Variants in SPATA4 observed in about 807,000 individuals in gnomAD.
SPATA4 encodes the protein spermatogenesis associated 4, also known as spermatogenesis-associated protein 4.
A neutral mutation model predicts 31.8 loss-of-function variants in SPATA4; 35 were observed. The observed-to-expected ratio is 1.10, with a 90% CI of 0.84 to 1.46. SPATA4 has a LOEUF of 1.46. SPATA4 is among the 40% of genes most tolerant of loss of function. The probability of loss-of-function intolerance (pLI) is 0.00; values close to 1 mark genes in which losing one functional copy is unlikely to be tolerated. For synonymous variants in SPATA4, 126 were observed against 132.4 expected (o/e 0.95, Z 0.33); for missense variants, 394 against 363.1 (o/e 1.09, Z -0.69).
chr4:176,195,431 A>T lies in SPATA4; in HGVS notation c.132T>A (p.His44Gln). The T allele has an allele frequency of 6.2e-7, 1 of 1,614,264 alleles. No individual in the cohort carries two copies. Among genetic ancestry groups the T allele is most frequent in the Non-Finnish European group, 8.5e-7 (1 of 1,180,050 alleles). Reference sequence around the variant, plus strand: ...GAGACAAGCGGGAGCTCTTCGGCGCATGCGGATAGACCAGACACTTCTTAG... The same window carrying T: ...GAGACAAGCGGGAGCTCTTCGGCGCTTGCGGATAGACCAGACACTTCTTAG... ...GRPKKCLVYP[H>Q]APKSSRLSRS... Residue 44 changes from histidine to glutamine, a missense_variant, in exon 1 of 6, where the codon CAT (histidine) becomes CAA (glutamine). His to Gln is a conservative substitution (Grantham distance 24). Coordinates refer to ENST00000280191, the MANE Select transcript of SPATA4 (RefSeq NM_144644.4).
chr4:176,194,185 G>C lies in SPATA4; in HGVS notation c.219-603C>G, dbSNP rs531601701. On this transcript the variant is annotated intron_variant, in intron 1 of 5. Coordinates refer to ENST00000280191, the MANE Select transcript of SPATA4 (RefSeq NM_144644.4). ...GTGTGCAAAGTGCAAGAGCAGTGAT[G>C]CTGGTGATTCAGATATGCCAGAGAG... 3.9e-5 allele frequency: 6 copies of C among 152,328 alleles called. 1 individual carries two copies. In the East Asian group the frequency reaches 5.8e-4, roughly 15 times the overall value. The allele number at this position is 152,328 out of a possible 1,614,324, so 9.4% of individuals were successfully genotyped here.
chr4:176,188,251 A>C lies in SPATA4; in HGVS notation c.689-16T>G, dbSNP rs756069416. ...TCAAACCATTCTATAAAATATGAAC[A>C]CAAAAGTTATTTCTTAAAAAGCCAT... is the stretch of plus-strand genomic sequence containing the variant. On this transcript the variant is annotated splice_polypyrimidine_tract_variant and intron_variant, in intron 4 of 5. Coordinates refer to ENST00000280191, the MANE Select transcript of SPATA4 (RefSeq NM_144644.4). 1.5e-5 allele frequency: 23 copies of C among 1,524,096 alleles called. No homozygotes were observed. Among genetic ancestry groups the C allele is most frequent in the South Asian group, 1.2e-5 (1 of 81,876 alleles). The allele number at this position is 1,524,096 out of a possible 1,614,324, so 94.4% of individuals were successfully genotyped here. A position where few individuals can be genotyped will look rare whatever the true frequency, so the allele number is the denominator to read the frequency against.
At chr4:176,186,827 G>GTT (rs63253561) in intron 5 of SPATA4, among the ~76,000 whole-genome samples, 25 of 151,030 alleles carry the variant, frequency 1.7e-4, no homozygotes, top group South Asian at 6.3e-4. Flanking sequence ...AGAAATCATG[G>GTT]TTTTTTTTTG....
At chr4:176,192,201 T>C (rs1752542130) in intron 4 of SPATA4, among the ~76,000 whole-genome samples, 1 of 152,208 alleles carries the variant, frequency 6.6e-6, no homozygotes, top group Admixed American at 6.5e-5. Flanking sequence ...CTCTACCATC[T>C]ACATCCAAAC....
Position 176,195,518 on chromosome 4 carries a change from C to G in SPATA4, c.45G>C (p.Ala15=). Residue 15 remains alanine (A), a synonymous_variant, in exon 1 of 6, where the codon GCG becomes GCC. Coordinates refer to ENST00000280191, the MANE Select transcript of SPATA4 (RefSeq NM_144644.4). ...GTGACGGTGACTTGTCTAGGGCTGCCGCAGTCTGTGTCAAATACCCTTTTT... is the reference window on the plus strand; with the variant it reads ...GTGACGGTGACTTGTCTAGGGCTGCGGCAGTCTGTGTCAAATACCCTTTTT... ...GQEKGYLTQT[A]AALDKSPSLS... 6.2e-7 allele frequency: 1 copy of G among 1,614,224 alleles called. No homozygotes were observed.
intron 5 of SPATA4, among the ~76,000 whole-genome samples, chr4:176,185,200 C>A (rs1242502264): frequency 6.6e-6 from 1 of 152,076 alleles, no homozygotes; most frequent in Non-Finnish European, 1.5e-5. Flanking sequence ...GCAGCTGAGG[C>A]AACAGTAGCA....
At chr4:176,184,969 G>A (rs1752418503) in intron 5 of SPATA4, 77 bp from the exon 6 acceptor site, 5 of 797,352 alleles carry the variant, frequency 6.3e-6, no homozygotes, top group Non-Finnish European at 1.0e-5. Flanking sequence ...CATGTCTAAT[G>A]TATCAAATAT....
intron 4 of SPATA4, among the ~76,000 whole-genome samples, chr4:176,191,285 G>A (rs941107475): frequency 1.2e-4 from 19 of 152,034 alleles, no homozygotes; most frequent in African/African-American, 2.2e-4. Flanking sequence ...TAGTAGAGAC[G>A]GGATTTCACC....
chr4:176,191,817 AATTTT>A (rs1206527461), intron 4 of SPATA4, among the ~76,000 whole-genome samples: 1 of 152,184 alleles, frequency 6.6e-6, no homozygotes, highest in Non-Finnish European at 1.5e-5. Flanking sequence ...TCCATCTCAC[AATTTT>A]AGGAGATGTT....
chr4:176,193,071 C>A lies in SPATA4; in HGVS notation c.354G>T (p.Leu118=). The A allele has an allele frequency of 6.4e-7, 1 of 1,567,670 alleles. No individual in the cohort carries two copies. Among genetic ancestry groups the A allele is most frequent in the Non-Finnish European group, 8.7e-7 (1 of 1,154,672 alleles). ...TAGGTAATTTAAATTTTTTTCTTGC[C>A]AGGAACTTTAATAGTAGAAAGAAAA... ...LDNWAQLEKF[L]ARKKFKLPKE... Residue 118 remains leucine, a synonymous_variant, in exon 3 of 6, where the codon CTG becomes CTT. Transcript: ENST00000280191.
chr4:176,195,318 G>T (rs775683040), intron 1 of SPATA4, 27 bp downstream of exon 1: 1 of 1,608,948 alleles, frequency 6.2e-7, no homozygotes, highest in Non-Finnish European at 8.5e-7. Flanking sequence ...CCCACCGGGG[G>T]GGCCTAGGAC....
At chr4:176,188,751 C>T (rs1433101182) in intron 4 of SPATA4, among the ~76,000 whole-genome samples, 1 of 152,124 alleles carries the variant, frequency 6.6e-6, no homozygotes, top group Non-Finnish European at 1.5e-5. Context: ...AAAATTATTT[C>T]CATGTTTCCC....
intron 4 of SPATA4, among the ~76,000 whole-genome samples, chr4:176,189,897 C>T (rs1433164258): frequency 6.6e-6 from 1 of 152,158 alleles, no homozygotes; most frequent in African/African-American, 2.4e-5. Context: ...AGCAAGACCC[C>T]TGTCTCAAGA....
intron 1 of SPATA4, 24 bp from the exon 2 acceptor site, chr4:176,193,606 G>T (rs374204175): frequency 5.1e-6 from 8 of 1,578,228 alleles, no homozygotes; most frequent in Non-Finnish European, 6.9e-6. Context: ...ATTAGGAAAT[G>T]AAATAAAGTG....
intron 1 of SPATA4, chr4:176,193,865 C>A: frequency 4.4e-6 from 1 of 229,274 alleles, no homozygotes; most frequent in East Asian, 1.0e-4. Flanking sequence ...ATTTCAGAGG[C>A]ATGGTTGTAA....
intron 5 of SPATA4, among the ~76,000 whole-genome samples, chr4:176,187,478 G>T (rs554709084): frequency 1.3e-5 from 2 of 152,002 alleles, no homozygotes; most frequent in African/African-American, 4.8e-5. Context: ...GGCACCGTGC[G>T]TTGTAGTCCC....
At chr4:176,189,965 G>A (rs1349363800) in intron 4 of SPATA4, among the ~76,000 whole-genome samples, 2 of 152,126 alleles carry the variant, frequency 1.3e-5, no homozygotes, top group Admixed American at 6.5e-5. Flanking sequence ...ACTCTAAGGG[G>A]GTGCACGTGA....
rs1752410439 is a variant in SPATA4, at chr4:176,184,714, T to C, written c.*66A>G. On this transcript the variant is annotated 3_prime_UTR_variant, in exon 6 of 6. Transcript: ENST00000280191. The stretch of plus-strand genomic sequence containing the variant: ...TTGAAATACATCCAATACTAGGTGA[T>C]TCTGTTTCTTTATTATGGCTAGAGA... 4 of 866,986 alleles carry C rather than the reference T, an allele frequency of 4.6e-6. No individual in the cohort carries two copies. The highest frequency in any genetic ancestry group is 5.4e-5 in the Admixed American group (2 of 37,202). 53.7% of individuals were successfully genotyped at this position (866,986 alleles called of 1,614,324 possible).
intron 4 of SPATA4, 22 bp from the exon 5 acceptor site, chr4:176,188,257 G>T: frequency 6.7e-7 from 1 of 1,496,806 alleles, no homozygotes; most frequent in Non-Finnish European, 9.1e-7. Flanking sequence ...GAACACAAAA[G>T]TTATTTCTTA....
Sources: allele counts gnomAD v4.1 joint callset (sites outside exome capture counted in the v4.1 genomes callset), GRCh38; gene constraint gnomAD v4.1.1; transcripts MANE v1.5; gene names NCBI Gene and HGNC (gene_info 2026-07-23, HGNC 2026-07-21).